Variants in OR1J2 observed in about 807,000 individuals in gnomAD.
OR1J2 encodes olfactory receptor family 1 subfamily J member 2.
For missense variants in OR1J2, 304 were observed against 246.1 expected, an observed-to-expected ratio of 1.24 and a Z score of -1.57; for synonymous variants, 142 against 99.7, an observed-to-expected ratio of 1.42 and a Z score of -2.52.
chr9:122,499,561 T>A, the OR1J2 span, among the ~76,000 whole-genome samples: 2 of 151,474 alleles, frequency 1.3e-5, no homozygotes, highest in Admixed American at 1.3e-4. Context: ...AGCAAGAAGG[T>A]GTTCTGACTG....
At chr9:122,513,526 ATT>A (rs11448781), downstream of OR1J2, among the ~76,000 whole-genome samples, 4,788 of 148,568 alleles carry the variant, frequency 0.032, 237 homozygotes, top group African/African-American at 0.11. Flanking sequence ...TTTCACAAGC[ATT>A]TTTTTTTTTT....
chr9:122,468,324 C>T, the OR1J2 span, among the ~76,000 whole-genome samples: 7 of 152,170 alleles, frequency 4.6e-5, no homozygotes, highest in African/African-American at 1.7e-4. Flanking sequence ...AAAAGAAATG[C>T]CAACTTTGTG....
chr9:122,563,184 A>ATTT, the OR1J2 span, among the ~76,000 whole-genome samples: 229 of 149,442 alleles, frequency 1.5e-3, no homozygotes, highest in Middle Eastern at 3.5e-3. Flanking sequence ...AGCATTTGTT[A>ATTT]TTTTTTTTTT....
chr9:122,531,874 G>A, the OR1J2 span, among the ~76,000 whole-genome samples: 5 of 152,136 alleles, frequency 3.3e-5, no homozygotes, highest in Non-Finnish European at 7.4e-5. Flanking sequence ...TAGAACCTGT[G>A]GGAAAGGCCT....
chr9:122,564,517 G>A, the OR1J2 span, among the ~76,000 whole-genome samples: 1 of 152,182 alleles, frequency 6.6e-6, no homozygotes, highest in African/African-American at 2.4e-5. Flanking sequence ...AGAGATTCGT[G>A]CCACCATCAA....
the OR1J2 span, among the ~76,000 whole-genome samples, chr9:122,559,376 G>A: frequency 6.6e-6 from 1 of 151,906 alleles, no homozygotes; most frequent in Non-Finnish European, 1.5e-5. Flanking sequence ...ACAGGTATAT[G>A]TGTGCCATAG....
At chr9:122,538,183 C>G in the OR1J2 span, among the ~76,000 whole-genome samples, 376 of 151,274 alleles carry the variant, frequency 2.5e-3, no homozygotes, top group Middle Eastern at 6.8e-3. Context: ...GTACAAGTTC[C>G]CTTATCTGTG....
At chr9:122,495,745 G>A in the OR1J2 span, among the ~76,000 whole-genome samples, 1 of 152,032 alleles carries the variant, frequency 6.6e-6, no homozygotes, top group East Asian at 1.9e-4. Context: ...TGATCTTTTG[G>A]GGGTGTTAAA....
At chr9:122,568,697 G>A in the OR1J2 span, 3 of 446,706 alleles carry the variant, frequency 6.7e-6, no homozygotes, top group African/African-American at 2.0e-5. Flanking sequence ...AATCTGGAGG[G>A]ACAGAGGGAG....
chr9:122,499,380 C>A, the OR1J2 span, among the ~76,000 whole-genome samples: 6 of 152,226 alleles, frequency 3.9e-5, no homozygotes, highest in Admixed American at 6.5e-5. Context: ...CAGAGGGGAA[C>A]CCCCTAAACC....
At chr9:122,553,691 G>C in the OR1J2 span, 3 of 1,614,068 alleles carry the variant, frequency 1.9e-6, no homozygotes, top group Non-Finnish European at 2.5e-6. Context: ...GTCCTGCCCT[G>C]ATGCACACAC....
At chr9:122,552,353 C>T in the OR1J2 span, among the ~76,000 whole-genome samples, 1 of 152,178 alleles carries the variant, frequency 6.6e-6, no homozygotes, top group East Asian at 1.9e-4. Flanking sequence ...TTCACCTTCC[C>T]TCCCTCTGGT....
the OR1J2 span, among the ~76,000 whole-genome samples, chr9:122,576,349 G>C: frequency 6.6e-6 from 1 of 151,482 alleles, no homozygotes. Flanking sequence ...AGCCTCCCAA[G>C]TAGCTGGGAT....
chr9:122,498,618 T>C, the OR1J2 span, among the ~76,000 whole-genome samples: 1 of 152,202 alleles, frequency 6.6e-6, no homozygotes, highest in Non-Finnish European at 1.5e-5. Flanking sequence ...GAATATTTTA[T>C]CTGTCATTTC....
chr9:122,451,663 A>G, the OR1J2 span, among the ~76,000 whole-genome samples: 2 of 152,194 alleles, frequency 1.3e-5, no homozygotes, highest in Non-Finnish European at 2.9e-5. Flanking sequence ...TTTATTTTTT[A>G]TAAAGTAGCC....
the OR1J2 span, chr9:122,553,929 G>C: frequency 7.4e-6 from 12 of 1,613,902 alleles, no homozygotes; most frequent in Middle Eastern, 1.6e-4. Flanking sequence ...GAGATGGAAG[G>C]CCTTCTCTAC....
In OR1J2 at chr9:122,511,395, C is replaced by A; in HGVS notation, c.594C>A (p.Val198=). 1.3e-6 allele frequency: 1 copy of A among 756,106 alleles called. No homozygotes were observed. Among genetic ancestry groups the A allele is most frequent in the Non-Finnish European group, 2.5e-6 (1 of 406,454 alleles). 46.8% of individuals were successfully genotyped at this position (756,106 alleles called of 1,614,324 possible). ...SCSDIFLNEL[V]MFTVGVVVIT... ...CAGATATCTTCCTCAATGAGCTGGTCATGTTCACAGTAGGGGTGGTGGTCA... is the reference window on the plus strand; with the variant it reads ...CAGATATCTTCCTCAATGAGCTGGTAATGTTCACAGTAGGGGTGGTGGTCA... Residue 198 remains valine, a synonymous_variant, in exon 1 of 1, where the codon GTC becomes GTA. Coordinates refer to ENST00000335302, the MANE Select transcript of OR1J2 (RefSeq NM_054107.1).
At chr9:122,535,099 A>G in the OR1J2 span, among the ~76,000 whole-genome samples, 1 of 151,062 alleles carries the variant, frequency 6.6e-6, no homozygotes, top group Non-Finnish European at 1.5e-5. Context: ...AGGCAAGCCT[A>G]GAGAAAAGAG....
chr9:122,456,778 G>A, the OR1J2 span, among the ~76,000 whole-genome samples: 2 of 152,208 alleles, frequency 1.3e-5, no homozygotes, highest in Non-Finnish European at 1.5e-5. Context: ...TGCTGGGAAT[G>A]TAAATTAGTT....
Sources: gnomAD v4.1 joint callset for allele counts (sites outside exome capture counted in the v4.1 genomes callset) on GRCh38, gnomAD v4.1.1 for gene constraint, MANE v1.5 for transcripts, NCBI Gene and HGNC (gene_info 2026-07-23, HGNC 2026-07-21) for gene names.